Variants in OR1I1 observed in about 807,000 individuals in gnomAD.
OR1I1 encodes the protein olfactory receptor family 1 subfamily I member 1, also known as olfactory receptor 1I1.
For synonymous variants in OR1I1, 171 were observed against 181.4 expected (o/e 0.94, Z 0.46); for missense variants, 451 against 443.6 (o/e 1.02, Z -0.15).
intron 1 of OR1I1, among the ~76,000 whole-genome samples, chr19:15,083,539 C>A (rs1193911106): frequency 1.3e-5 from 2 of 152,170 alleles, no homozygotes; most frequent in Non-Finnish European, 2.9e-5. Flanking sequence ...TCTATCCAGC[C>A]TAGAGAAAAC....
chr19:15,085,530 T>A (rs543450401), intron 1 of OR1I1, among the ~76,000 whole-genome samples: 1 of 152,112 alleles, frequency 6.6e-6, no homozygotes, highest in Admixed American at 6.6e-5. Context: ...TCTGTACCTA[T>A]CATTTCTTGG....
At chr19:15,082,458 C>T (rs935469063) in intron 1 of OR1I1, among the ~76,000 whole-genome samples, 182 bp downstream of exon 1, 2 of 151,712 alleles carry the variant, frequency 1.3e-5, no homozygotes, top group African/African-American at 4.9e-5. Flanking sequence ...AGGAATCTGT[C>T]TCCTTCCTAG....
In OR1I1 at chr19:15,091,625, C is replaced by A. The variant is rs1283137572; in HGVS notation, c.*3492C>A. 1 of 151,312 alleles carries A rather than the reference C, an allele frequency of 6.6e-6. No homozygotes were observed. Among genetic ancestry groups the A allele is most frequent in the Non-Finnish European group, 1.5e-5 (1 of 67,972 alleles). 9.4% of individuals were successfully genotyped at this position (151,312 alleles called of 1,614,324 possible). ...AGTGAGCCAAGGCCACGCCACTGCA[C>A]CCCAGCCTGGGTGACAGAGCGAGAC... On this transcript the variant is annotated 3_prime_UTR_variant, in exon 2 of 2. Coordinates refer to ENST00000641398, the MANE Select transcript of OR1I1 (RefSeq NM_001004713.2).
In OR1I1 at chr19:15,090,625, T is replaced by A. The variant is rs540825519; in HGVS notation, c.*2492T>A. ...TTTTAGAGACAGACAGGATCTACTG[T>A]GTCACCCAGGCTGGAGTACAGTGGT... On this transcript the variant is annotated 3_prime_UTR_variant, in exon 2 of 2. Transcript: ENST00000641398. 1 of 152,296 alleles carries A rather than the reference T, an allele frequency of 6.6e-6. No individual in the cohort carries two copies. Among genetic ancestry groups the A allele is most frequent in the Admixed American group, 6.5e-5 (1 of 15,288 alleles). 9.4% of individuals were successfully genotyped at this position (152,296 alleles called of 1,614,324 possible).
chr19:15,084,704 C>T lies in OR1I1; in HGVS notation c.-13-2349C>T, dbSNP rs536340755. On this transcript the variant is annotated intron_variant, in intron 1 of 1. Coordinates refer to ENST00000641398, the MANE Select transcript of OR1I1 (RefSeq NM_001004713.2). ...ATGTAACAAACCTGCACGTCCTGCACGTGTATCCTGGAACTTAAAATAAAA... is the reference window on the plus strand; with the variant it reads ...ATGTAACAAACCTGCACGTCCTGCATGTGTATCCTGGAACTTAAAATAAAA... 7.2e-5 allele frequency among the ~76,000 whole-genome samples: 11 copies of T among 151,854 alleles called. No individual in the cohort carries two copies. In the South Asian group the frequency reaches 2.3e-3, roughly 32 times the overall value.
chr19:15,091,025 G>A lies in OR1I1; in HGVS notation c.*2892G>A, dbSNP rs1188665094. The A allele has an allele frequency of 6.6e-6, 1 of 152,178 alleles. No homozygotes were observed. Among genetic ancestry groups the A allele is most frequent in the African/African-American group, 2.4e-5 (1 of 41,444 alleles). The allele number at this position is 152,178 out of a possible 1,614,324, so 9.4% of individuals were successfully genotyped here. On this transcript the variant is annotated 3_prime_UTR_variant, in exon 2 of 2. Coordinates refer to ENST00000641398, the MANE Select transcript of OR1I1 (RefSeq NM_001004713.2). The stretch of plus-strand genomic sequence containing the variant: ...ACAATTGACCATGTGTTCTGGCCAA[G>A]GGACCCTGGGCTAGAACTGGAGAAA...
In OR1I1 at chr19:15,087,811, C is replaced by G; in HGVS notation, c.746C>G (p.Ser249Ter). 1 of 1,614,162 alleles carries G rather than the reference C, an allele frequency of 6.2e-7. No homozygotes were observed. Among genetic ancestry groups the G allele is most frequent in the Non-Finnish European group, 8.5e-7 (1 of 1,179,978 alleles). ...STCGLHLTVV[S>*]LSYGTIFAVY... ...TGTGGCTTACACCTCACTGTGGTGT[C>G]ACTGTCCTATGGGACCATCTTTGCT... Residue 249 changes from serine to a stop codon, truncating the protein, a stop_gained, in exon 2 of 2, where the codon TCA becomes TGA. Transcript: ENST00000641398. LOFTEE classifies it low-confidence loss of function (END_TRUNC).
In OR1I1 at chr19:15,088,772, T is replaced by TATAATA. The variant is rs2046242945; in HGVS notation, c.*639_*640insATAATA. ...GTAGATAGGGTGGATAGATAAGATA[T>TATAATA]GTAGATAGATAGATAGATAGATAGA... On this transcript the variant is annotated 3_prime_UTR_variant, in exon 2 of 2. Transcript: ENST00000641398. 1 of 29,664 alleles carries TATAATA rather than the reference T, an allele frequency of 3.4e-5. No individual in the cohort carries two copies. The highest frequency in any genetic ancestry group is 8.3e-5 in the African/African-American group (1 of 12,070). The allele number at this position is 29,664 out of a possible 1,614,324, so 1.8% of individuals were successfully genotyped here. A position where few individuals can be genotyped will look rare whatever the true frequency, so the allele number is the denominator to read the frequency against.
At position 15,088,761 on chromosome 19, in the gene OR1I1, T is replaced by G. The variant is rs2046242821; in HGVS notation, c.*628T>G. On this transcript the variant is annotated 3_prime_UTR_variant, in exon 2 of 2. Transcript: ENST00000641398. ...AGATAAGATAGGTAGATAGGGTGGA[T>G]AGATAAGATATGTAGATAGATAGAT... The G allele has an allele frequency of 1.8e-5, 1 of 55,260 alleles. No homozygotes were observed. 3.4% of individuals were successfully genotyped at this position (55,260 alleles called of 1,614,324 possible). A position where few individuals can be genotyped will look rare whatever the true frequency, so the allele number is the denominator to read the frequency against.
At position 15,088,122 on chromosome 19, in the gene OR1I1, G is replaced by T. The variant is rs1309565675; in HGVS notation, c.1057G>T (p.Asp353Tyr). 2 of 1,553,266 alleles carry T rather than the reference G, an allele frequency of 1.3e-6. No individual in the cohort carries two copies. Among genetic ancestry groups the T allele is most frequent in the Non-Finnish European group, 1.7e-6 (2 of 1,147,276 alleles). Residue 353 changes from aspartate (D) to tyrosine (Y), a missense_variant, in exon 2 of 2, where the codon GAC (aspartate) becomes TAC (tyrosine). Physicochemically the swap from Asp to Tyr is radical, Grantham distance 160 (BLOSUM62 -3). Transcript: ENST00000641398. The part of the protein sequence containing the change: ...GGVQSLAGNR[D>Y]ME ...AGTTCAGAGTCTAGCTGGGAACAGA[G>T]ACATGGAATAAATCCTTCCAGTACA... is the stretch of plus-strand genomic sequence containing the variant.
intron 1 of OR1I1, among the ~76,000 whole-genome samples, chr19:15,085,130 T>TTA (rs775570074): frequency 2.8e-3 from 80 of 28,514 alleles, no homozygotes; most frequent in East Asian, 0.017. Context: ...CATTTTTGAC[T>TTA]TATATATATA....
Position 15,087,219 on chromosome 19 carries a change from G to T in OR1I1, c.154G>T (p.Asp52Tyr), listed in dbSNP as rs948100139. 2.5e-6 allele frequency: 4 copies of T among 1,613,950 alleles called. No homozygotes were observed. Among genetic ancestry groups the T allele is most frequent in the Non-Finnish European group, 3.4e-6 (4 of 1,179,992 alleles). The change falls in exon 2 of 2, where the codon GAC becomes TAC. Residue 52 changes from aspartate (D) to tyrosine (Y), a missense_variant. By Grantham distance (160) the Asp-to-Tyr change is radical (BLOSUM62 -3). Coordinates refer to ENST00000641398, the MANE Select transcript of OR1I1 (RefSeq NM_001004713.2). The part of the protein sequence containing the change: ...NALIILAIIT[D>Y]SHLHTPMYFF... ...CCTCATTATCCTGGCCATCATCACG[G>T]ACTCTCACCTCCACACACCCATGTA...
At position 15,088,782 on chromosome 19, in the gene OR1I1, TA is replaced by T. The variant is rs1568323025; in HGVS notation, c.*650del. ...TGGATAGATAAGATATGTAGATAGA[TA>T]GATAGATAGATAGATAGATAGATAG... On this transcript the variant is annotated 3_prime_UTR_variant, in exon 2 of 2. Coordinates refer to ENST00000641398, the MANE Select transcript of OR1I1 (RefSeq NM_001004713.2). 3 of 84,186 alleles carry T rather than the reference TA, an allele frequency of 3.6e-5. No homozygotes were observed. Among genetic ancestry groups the T allele is most frequent in the Non-Finnish European group, 7.3e-5 (3 of 41,234 alleles). 5.2% of individuals were successfully genotyped at this position (84,186 alleles called of 1,614,324 possible).
chr19:15,087,890 C>T lies in OR1I1; in HGVS notation c.825C>T (p.Ala275=), dbSNP rs1213087405. The change falls in exon 2 of 2, where the codon GCC becomes GCT. Residue 275 remains alanine (A), a synonymous_variant. Transcript: ENST00000641398. The stretch of plus-strand genomic sequence containing the variant: ...CCTCCCAGAAGGACAAGGCAGCCGC[C>T]CTAATGTGTGGGGTGTTCATCCCCA... The part of the protein sequence containing the change: ...PSSSQKDKAA[A]LMCGVFIPML... The T allele has an allele frequency of 6.2e-7, 1 of 1,614,218 alleles. No homozygotes were observed. The highest frequency in any genetic ancestry group is 1.3e-5 in the African/African-American group (1 of 75,056).
Position 15,087,545 on chromosome 19 carries a change from C to T in OR1I1, c.480C>T (p.Thr160=). ...CCAACCTCCAGTCTCTCATACACAC[C>T]TGCCTCATGGCTCAACTGACCTTCT... ...MITNLQSLIH[T]CLMAQLTFCA... Residue 160 remains threonine, a synonymous_variant, in exon 2 of 2, where the codon ACC becomes ACT. Transcript: ENST00000641398. The T allele has an allele frequency of 6.2e-7, 1 of 1,614,124 alleles. No homozygotes were observed. Among genetic ancestry groups the T allele is most frequent in the Non-Finnish European group, 8.5e-7 (1 of 1,180,034 alleles).
At chr19:15,083,739 G>A (rs2046218222) in intron 1 of OR1I1, among the ~76,000 whole-genome samples, 1 of 152,122 alleles carries the variant, frequency 6.6e-6, no homozygotes, top group African/African-American at 2.4e-5. Flanking sequence ...CAGTACTTTG[G>A]GAGGCCAAGG....
chr19:15,083,570 C>G (rs1338469756), intron 1 of OR1I1, among the ~76,000 whole-genome samples: 1 of 141,298 alleles, frequency 7.1e-6, no homozygotes, highest in African/African-American at 2.6e-5. Flanking sequence ...ATTGCAAAAA[C>G]CTCAAGTCCA....
Position 15,091,580 on chromosome 19 carries a change from A to G in OR1I1, c.*3447A>G, listed in dbSNP as rs1261345909. On this transcript the variant is annotated 3_prime_UTR_variant, in exon 2 of 2. Transcript: ENST00000641398. ...AGGCTGAGGCAGGAGAATGGCCTGA[A>G]CCCGGGAGGCGGAGCTTGCAGTGAG... The G allele has an allele frequency of 6.6e-6, 1 of 152,184 alleles. No homozygotes were observed. Among genetic ancestry groups the G allele is most frequent in the Non-Finnish European group, 1.5e-5 (1 of 68,122 alleles). 9.4% of individuals were successfully genotyped at this position (152,184 alleles called of 1,614,324 possible). A position where few individuals can be genotyped will look rare whatever the true frequency, so the allele number is the denominator to read the frequency against.
intron 1 of OR1I1, among the ~76,000 whole-genome samples, chr19:15,083,190 C>T (rs1186289040): frequency 2.6e-5 from 4 of 152,002 alleles, no homozygotes; most frequent in Non-Finnish European, 5.9e-5. Context: ...ATTCTCCCAC[C>T]TCAGCCTTCT....
Sources: allele counts gnomAD v4.1 joint callset (sites outside exome capture counted in the v4.1 genomes callset), GRCh38; gene constraint gnomAD v4.1.1; transcripts MANE v1.5; gene names NCBI Gene and HGNC (gene_info 2026-07-23, HGNC 2026-07-21).